MEGF11: variants seen among roughly 807,000 people sequenced by gnomAD.
MEGF11 encodes multiple epidermal growth factor-like domains protein 11.
In MEGF11, 126 loss-of-function variants were observed where a neutral mutation model predicts 146.6. That is an observed-to-expected ratio of 0.86 (90% CI 0.74 to 1.00). The LOEUF is 1.00. MEGF11 is among the 50% of genes least tolerant of loss of function. The pLI, the probability that MEGF11 is intolerant of heterozygous loss-of-function variation, is 0.00. For missense variants in MEGF11, 1,509 were observed against 1,521.2 expected, an observed-to-expected ratio of 0.99 and a Z score of 0.13; for synonymous variants, 532 against 583.4, an observed-to-expected ratio of 0.91 and a Z score of 1.27.
intron 1 of MEGF11, among the ~76,000 whole-genome samples, chr15:66,220,511 A>G (rs1484375899): frequency 1.4e-5 from 2 of 147,026 alleles, no homozygotes; most frequent in African/African-American, 2.5e-5. Context: ...GAGGAGCACA[A>G]GGAGGTTTCG....
intron 7 of MEGF11, among the ~76,000 whole-genome samples, chr15:65,976,040 CTTTTTTTTT>C (rs57047424): frequency 2.9e-5 from 3 of 102,088 alleles, no homozygotes; most frequent in African/African-American, 1.1e-4. Flanking sequence ...TTCAACATTC[CTTTTTTTTT>C]TTTTTTTTTT....
chr15:65,989,247 C>T (rs1179620920), intron 5 of MEGF11, among the ~76,000 whole-genome samples: 1 of 152,130 alleles, frequency 6.6e-6, no homozygotes, highest in Non-Finnish European at 1.5e-5. Context: ...GACAGGAATC[C>T]TGAGACCCAG....
chr15:65,907,621 CTT>C, intron 23 of MEGF11, among the ~76,000 whole-genome samples: 1 of 152,294 alleles, frequency 6.6e-6, no homozygotes, highest in East Asian at 1.9e-4. Context: ...TTCTGAGAGG[CTT>C]ATAGGTACCT....
chr15:66,175,783 T>G (rs1291938126), intron 1 of MEGF11, among the ~76,000 whole-genome samples: 1 of 152,072 alleles, frequency 6.6e-6, no homozygotes, highest in African/African-American at 2.4e-5. Flanking sequence ...TGGGGAAGAC[T>G]TCAAAAGCAC....
rs562397669 is a variant in MEGF11, at chr15:65,986,700, C to T, written c.395-4212G>A. Among the ~76,000 whole-genome samples the T allele has an allele frequency of 3.3e-5, 5 of 152,146 alleles. No individual in the cohort carries two copies. The South Asian group carries it at 6.2e-4, about 19-fold the overall frequency. On this transcript the variant is annotated intron_variant, in intron 5 of 25. Coordinates refer to ENST00000395614, the MANE Select transcript of MEGF11 (RefSeq NM_001385028.1). ...TTTCACAGAGAATCGCAAACTCTTA[C>T]CAATTTGGCCTTGGAATGTCACCCC...
chr15:65,901,277 T>C (rs923999956), intron 24 of MEGF11, among the ~76,000 whole-genome samples: 1 of 151,882 alleles, frequency 6.6e-6, no homozygotes, highest in African/African-American at 2.4e-5. Context: ...GTTTGGAAGC[T>C]GAGGACTAGT....
At chr15:66,236,850 A>G (rs962318934) in intron 1 of MEGF11, among the ~76,000 whole-genome samples, 1 of 152,184 alleles carries the variant, frequency 6.6e-6, no homozygotes, top group Admixed American at 6.5e-5. Flanking sequence ...GGGGCAGAGG[A>G]GCTGAGCCAA....
intron 1 of MEGF11, among the ~76,000 whole-genome samples, chr15:66,158,132 TA>T (rs2089830323): frequency 6.6e-6 from 1 of 152,144 alleles, no homozygotes; most frequent in Non-Finnish European, 1.5e-5. Flanking sequence ...AGATTCATTT[TA>T]GATAATAAAA....
intron 5 of MEGF11, among the ~76,000 whole-genome samples, chr15:66,041,458 C>A (rs575723998): frequency 6.6e-6 from 1 of 152,388 alleles, no homozygotes; most frequent in Admixed American, 6.5e-5. Flanking sequence ...TGCTCCACAA[C>A]AACTGCCCCC....
At chr15:66,046,159 T>C (rs34967625) in intron 5 of MEGF11, among the ~76,000 whole-genome samples, 8,111 of 152,142 alleles carry the variant, frequency 0.053, 362 homozygotes, top group African/African-American at 0.12. Context: ...CTCAGAAAGG[T>C]GAAGGGACCT....
chr15:66,134,012 T>G (rs2140982221), intron 1 of MEGF11, among the ~76,000 whole-genome samples: 1 of 152,220 alleles, frequency 6.6e-6, no homozygotes, highest in Non-Finnish European at 1.5e-5. Context: ...GCTTTCTCCT[T>G]GCCTGGGAAG....
At chr15:66,034,241 T>C (rs1281705167) in intron 5 of MEGF11, among the ~76,000 whole-genome samples, 2 of 152,228 alleles carry the variant, frequency 1.3e-5, no homozygotes, top group African/African-American at 4.8e-5. Context: ...AGATGAAATG[T>C]GCCTTGAGTC....
At chr15:66,012,899 G>T (rs1648929303) in intron 5 of MEGF11, among the ~76,000 whole-genome samples, 1 of 152,232 alleles carries the variant, frequency 6.6e-6, no homozygotes, top group South Asian at 2.1e-4. Context: ...CCCCGCACAG[G>T]GGTTCTGCAG....
At chr15:65,978,427 A>C (rs1174260453) in intron 7 of MEGF11, among the ~76,000 whole-genome samples, 4 of 152,258 alleles carry the variant, frequency 2.6e-5, no homozygotes, top group Non-Finnish European at 5.9e-5. Context: ...AATTAAAAAC[A>C]TAAAGTCCTC....
chr15:66,091,356 T>C (rs1285424662), intron 5 of MEGF11, among the ~76,000 whole-genome samples: 1 of 152,260 alleles, frequency 6.6e-6, no homozygotes, highest in African/African-American at 2.4e-5. Context: ...CAGGGCCACA[T>C]CTTTTAAGCA....
At chr15:66,212,746 T>C (rs1000623635) in intron 1 of MEGF11, among the ~76,000 whole-genome samples, 3 of 151,930 alleles carry the variant, frequency 2.0e-5, no homozygotes, top group African/African-American at 7.3e-5. Context: ...TGTCCTGAGG[T>C]GGCAGCCAGC....
At chr15:66,156,102 C>T (rs2089747379) in intron 1 of MEGF11, among the ~76,000 whole-genome samples, 1 of 152,190 alleles carries the variant, frequency 6.6e-6, no homozygotes, top group Non-Finnish European at 1.5e-5. Context: ...ATCTGATCCC[C>T]TCAGCCAATG....
chr15:65,942,758 T>C (rs2141382675), intron 10 of MEGF11, among the ~76,000 whole-genome samples: 1 of 152,224 alleles, frequency 6.6e-6, no homozygotes, highest in Non-Finnish European at 1.5e-5. Flanking sequence ...AGGATGGTTA[T>C]GGCCACAGGG....
At chr15:66,133,908 G>T (rs1356968912) in intron 1 of MEGF11, among the ~76,000 whole-genome samples, 1 of 152,120 alleles carries the variant, frequency 6.6e-6, no homozygotes, top group Admixed American at 6.5e-5. Flanking sequence ...CAGGTGCCTG[G>T]CCCCCGGGAT....
Sources: gnomAD v4.1 joint callset for allele counts (sites outside exome capture counted in the v4.1 genomes callset) on GRCh38, gnomAD v4.1.1 for gene constraint, MANE v1.5 for transcripts, NCBI Gene and HGNC (gene_info 2026-07-23, HGNC 2026-07-21) for gene names.